HELZ: variants seen among roughly 807,000 people sequenced by gnomAD.
The protein encoded by HELZ is helicase with zinc finger.
Under a neutral mutation model 218.2 loss-of-function variants are expected in HELZ, and 23 were observed. That is an observed-to-expected ratio of 0.11 (90% confidence interval 0.08 to 0.15). The LOEUF (loss-of-function observed/expected upper bound fraction) is 0.15. HELZ is among the 10% of genes least tolerant of loss of function. The probability of loss-of-function intolerance (pLI) is 1.00; values close to 1 mark genes in which losing one functional copy is unlikely to be tolerated. For missense variants in HELZ, 1,813 were observed against 2,353.7 expected (o/e 0.77, Z 4.75); for synonymous variants, 814 against 829.4 (o/e 0.98, Z 0.32).
At position 67,163,797 on chromosome 17, in the gene HELZ, G is replaced by A. The variant is rs2039059918; in HGVS notation, c.1895+2681C>T. On this transcript the variant is annotated intron_variant, in intron 15 of 32. Coordinates refer to ENST00000358691, the MANE Select transcript of HELZ (RefSeq NM_014877.4). The stretch of plus-strand genomic sequence containing the variant: ...AATCCTCCCACCTCGGCCTCCCCAA[G>A]TGCTGGGATTACAGGTGTGAGCCCA... 2.0e-5 allele frequency among the ~76,000 whole-genome samples: 3 copies of A among 152,118 alleles called. 1 individual carries two copies. In the South Asian group the frequency reaches 6.2e-4, roughly 32 times the overall value.
intron 9 of HELZ, 95 bp downstream of exon 9, chr17:67,193,872 T>C (rs1039789434): frequency 2.3e-6 from 2 of 883,392 alleles, no homozygotes; most frequent in Non-Finnish European, 3.6e-6. Context: ...CTGTTTCAAA[T>C]TGAAAATAAA....
intron 28 of HELZ, among the ~76,000 whole-genome samples, chr17:67,110,706 G>A (rs925909165): frequency 1.3e-5 from 2 of 152,094 alleles, no homozygotes; most frequent in African/African-American, 4.8e-5. Context: ...GGTTTTCTTG[G>A]AACACAGTCA....
chr17:67,244,629 G>T, intron 1 of HELZ: 11 of 942,226 alleles, frequency 1.2e-5, no homozygotes, highest in Non-Finnish European at 1.4e-5. Context: ...AGCCCTCCGC[G>T]GGGGAGGGAG....
intron 12 of HELZ, among the ~76,000 whole-genome samples, chr17:67,180,797 G>A (rs1457283636): frequency 2.0e-5 from 3 of 147,128 alleles, no homozygotes; most frequent in Non-Finnish European, 4.4e-5. Context: ...AGAATGGCGT[G>A]AACCCGGAAG....
At chr17:67,139,049 G>A (rs1022212036) in intron 21 of HELZ, among the ~76,000 whole-genome samples, 1 of 151,966 alleles carries the variant, frequency 6.6e-6, no homozygotes, top group Non-Finnish European at 1.5e-5. Flanking sequence ...GTTTTCAAAT[G>A]TCTTTAAGTA....
At chr17:67,195,329 A>G in intron 8 of HELZ, 90 bp downstream of exon 8, 3 of 779,654 alleles carry the variant, frequency 3.8e-6, no homozygotes, top group South Asian at 3.1e-5. Context: ...ACTTATATGT[A>G]CTGTAACTCA....
chr17:67,181,716 A>C (rs147254110), intron 12 of HELZ, among the ~76,000 whole-genome samples: 38 of 152,302 alleles, frequency 2.5e-4, no homozygotes, highest in African/African-American at 9.1e-4. Flanking sequence ...TCTTGAAAAA[A>C]AAATCCACAT....
intron 13 of HELZ, among the ~76,000 whole-genome samples, chr17:67,170,756 G>A (rs1468652100): frequency 1.3e-5 from 2 of 151,654 alleles, no homozygotes; most frequent in African/African-American, 4.8e-5. Context: ...AAACCCAGGA[G>A]GTAGAGGCTG....
chr17:67,151,177 T>C lies in HELZ; in HGVS notation c.2225A>G (p.His742Arg). ...RWVKTVHPVVHQYCLISSAHS... is the reference protein window; with the variant it reads ...RWVKTVHPVVRQYCLISSAHS... ...TGCGCTTGAGATCAAACAGTACTGATGCACAACTGGGTGGACAGTCTTTAC... is the reference window on the plus strand; with the variant it reads ...TGCGCTTGAGATCAAACAGTACTGACGCACAACTGGGTGGACAGTCTTTAC... Residue 742 changes from histidine to arginine, a missense_variant, in exon 18 of 33, where the codon CAT (histidine) becomes CGT (arginine). By Grantham distance (29) the His-to-Arg change is conservative (BLOSUM62 0). Transcript: ENST00000358691. 1 of 1,614,024 alleles carries C rather than the reference T, an allele frequency of 6.2e-7. No homozygotes were observed. Among genetic ancestry groups the C allele is most frequent in the Non-Finnish European group, 8.5e-7 (1 of 1,179,900 alleles).
chr17:67,165,382 CG>C (rs2039112927), intron 15 of HELZ, among the ~76,000 whole-genome samples: 1 of 152,078 alleles, frequency 6.6e-6, no homozygotes, highest in African/African-American at 2.4e-5. Flanking sequence ...AAGCTTCCCA[CG>C]TGACCCTCCG....
intron 5 of HELZ, among the ~76,000 whole-genome samples, chr17:67,209,567 C>T (rs2040399408): frequency 6.6e-6 from 1 of 152,168 alleles, no homozygotes; most frequent in African/African-American, 2.4e-5. Context: ...CATTGTATTC[C>T]AGCCTAGGCA....
At chr17:67,166,441 A>T (rs2039146151) in intron 15 of HELZ, 37 bp downstream of exon 15, 1 of 1,555,188 alleles carries the variant, frequency 6.4e-7, no homozygotes, top group Non-Finnish European at 8.8e-7. Flanking sequence ...TTTAATATTA[A>T]CCTAACTTCC....
rs114966682 is a variant in HELZ at position 67,236,215 on chromosome 17, A to G, written c.-19+3218T>C. 4.0e-3 allele frequency among the ~76,000 whole-genome samples: 609 copies of G among 152,366 alleles called. 5 individuals carry two copies. The highest frequency in any genetic ancestry group is 0.014 in the African/African-American group (563 of 41,592). On this transcript the variant is annotated intron_variant, in intron 3 of 32. Coordinates refer to ENST00000358691, the MANE Select transcript of HELZ (RefSeq NM_014877.4). ...ATAGTTAAATTCAACATTATATAACAAAGAAATGAAAGTGCCATTTTACAC... is the reference window on the plus strand; with the variant it reads ...ATAGTTAAATTCAACATTATATAACGAAGAAATGAAAGTGCCATTTTACAC...
At chr17:67,209,945 G>A (rs1343514312) in intron 5 of HELZ, among the ~76,000 whole-genome samples, 1 of 152,190 alleles carries the variant, frequency 6.6e-6, no homozygotes, top group East Asian at 1.9e-4. Flanking sequence ...GCCAGGTGCA[G>A]TAGCTCACAC....
chr17:67,135,066 A>T (rs545462747), intron 23 of HELZ, among the ~76,000 whole-genome samples: 1 of 152,200 alleles, frequency 6.6e-6, no homozygotes, highest in Admixed American at 6.5e-5. Context: ...AATTCCAATT[A>T]ACTGGTATAA....
chr17:67,120,458 C>T lies in HELZ; in HGVS notation c.3785G>A (p.Gly1262Asp). The T allele has an allele frequency of 1.2e-6, 2 of 1,613,924 alleles. No homozygotes were observed. The highest frequency in any genetic ancestry group is 1.7e-6 in the Non-Finnish European group (2 of 1,180,008). ...CTCCTGATGCTGATTTTGTGGCTGG[C>T]CTATGGTGACAGGTGGGTGATGTCC... ...GLGHHPPVTIGQPQNQHQEKD... is the reference protein window; with the variant it reads ...GLGHHPPVTIDQPQNQHQEKD... The change falls in exon 27 of 33, where the codon GGC (glycine) becomes GAC (aspartate). Residue 1262 changes from glycine to aspartate, a missense_variant. Coordinates refer to ENST00000358691, the MANE Select transcript of HELZ (RefSeq NM_014877.4).
chr17:67,089,373 AAG>A (rs1242020260), intron 31 of HELZ, among the ~76,000 whole-genome samples: 1 of 152,084 alleles, frequency 6.6e-6, no homozygotes, highest in Non-Finnish European at 1.5e-5. Context: ...AGGCTGATAT[AAG>A]AGAGAATATT....
intron 32 of HELZ, among the ~76,000 whole-genome samples, chr17:67,079,835 A>AG (rs1419357788): frequency 6.6e-6 from 1 of 152,202 alleles, no homozygotes; most frequent in African/African-American, 2.4e-5. Flanking sequence ...ACCTATTTGC[A>AG]GACTACCTCT....
At position 67,109,705 on chromosome 17, in the gene HELZ, C is replaced by T. The variant is rs760787065; in HGVS notation, c.3919-19G>A. The T allele has an allele frequency of 6.4e-7, 1 of 1,560,550 alleles. No homozygotes were observed. The highest frequency in any genetic ancestry group is 8.8e-7 in the Non-Finnish European group (1 of 1,142,582). ...AATCAACCTAGAAAAAAAGAAGAAG[C>T]CTTTTTTAACTGCAGAAGATTCAAA... On this transcript the variant is annotated intron_variant, in intron 28 of 32. Transcript: ENST00000358691.
Sources: gnomAD v4.1 joint callset for allele counts (sites outside exome capture counted in the v4.1 genomes callset) on GRCh38, gnomAD v4.1.1 for gene constraint, MANE v1.5 for transcripts, NCBI Gene and HGNC (gene_info 2026-07-23, HGNC 2026-07-21) for gene names.